The following RIC8B variants were observed in gnomAD, a reference collection of about 807,000 sequenced individuals.
RIC8B encodes the protein RIC8 guanine nucleotide exchange factor B.
In RIC8B, 16 loss-of-function variants were observed where a neutral mutation model predicts 57.5. That is an observed-to-expected ratio of 0.28 (90% CI 0.19 to 0.42). RIC8B has a LOEUF of 0.42. RIC8B is among the 10% of genes least tolerant of loss of function. The pLI, the probability that RIC8B is intolerant of heterozygous loss-of-function variation, is 1.00. For missense variants in RIC8B, 481 were observed against 677.0 expected (o/e 0.71, Z 3.21); for synonymous variants, 216 against 250.8 (o/e 0.86, Z 1.31).
At chr12:106,836,222 G>C (rs2046592567) in intron 4 of RIC8B, among the ~76,000 whole-genome samples, 1 of 152,200 alleles carries the variant, frequency 6.6e-6, no homozygotes, top group Non-Finnish European at 1.5e-5. Context: ...GCCTCTGAAT[G>C]ATTGATCGAG....
chr12:106,813,664 C>G (rs1049637780), intron 2 of RIC8B, among the ~76,000 whole-genome samples: 1 of 152,030 alleles, frequency 6.6e-6, no homozygotes, highest in Non-Finnish European at 1.5e-5. Context: ...ACAATGGGAC[C>G]CACAGGCAGC....
chr12:106,883,543 C>T (rs1195388733), intron 9 of RIC8B, among the ~76,000 whole-genome samples: 1 of 152,142 alleles, frequency 6.6e-6, no homozygotes, highest in Non-Finnish European at 1.5e-5. Flanking sequence ...GAGTCACCAT[C>T]CACTTGGTCA....
chr12:106,843,638 C>A (rs992703226), intron 5 of RIC8B, among the ~76,000 whole-genome samples: 7 of 146,486 alleles, frequency 4.8e-5, no homozygotes, highest in African/African-American at 1.8e-4. Context: ...AGGAGAATGG[C>A]GTGAACCCGG....
intron 2 of RIC8B, among the ~76,000 whole-genome samples, chr12:106,804,219 C>CTTT (rs398039963): frequency 1.4e-5 from 2 of 143,430 alleles, no homozygotes; most frequent in African/African-American, 2.6e-5. Context: ...TCCTTTCTTT[C>CTTT]TTTTTTTTTT....
intron 4 of RIC8B, among the ~76,000 whole-genome samples, chr12:106,833,141 TA>T (rs1457181966): frequency 3.3e-5 from 5 of 152,200 alleles, no homozygotes; most frequent in Non-Finnish European, 4.4e-5. Context: ...TCCTAATCAA[TA>T]AAAATTTTTG....
chr12:106,789,465 C>A (rs766873509), intron 2 of RIC8B, among the ~76,000 whole-genome samples: 1 of 152,050 alleles, frequency 6.6e-6, no homozygotes, highest in Non-Finnish European at 1.5e-5. Context: ...AAGACATACC[C>A]GAGACTGGGA....
intron 7 of RIC8B, among the ~76,000 whole-genome samples, chr12:106,858,790 A>G (rs1420395990): frequency 6.6e-6 from 1 of 152,216 alleles, no homozygotes; most frequent in East Asian, 1.9e-4. Flanking sequence ...ATTTGAAAGT[A>G]GGGCTTCCTT....
intron 2 of RIC8B, among the ~76,000 whole-genome samples, chr12:106,799,944 A>G (rs2044654462): frequency 6.6e-6 from 1 of 152,156 alleles, no homozygotes; most frequent in Non-Finnish European, 1.5e-5. Context: ...AAGGCTGGGA[A>G]GTCAAGATCA....
intron 3 of RIC8B, chr12:106,822,108 A>G (rs1415707280): frequency 3.8e-4 from 57 of 151,548 alleles, no homozygotes; most frequent in African/African-American, 1.2e-3. Context: ...AAAAGAAGAA[A>G]AAAAAAGAAA....
chr12:106,816,018 A>G (rs1266288643), intron 3 of RIC8B, among the ~76,000 whole-genome samples: 1 of 152,232 alleles, frequency 6.6e-6, no homozygotes, highest in East Asian at 1.9e-4. Context: ...ACCCACAAGA[A>G]CAATATGCTA....
At chr12:106,865,524 AT>A (rs752919995) in intron 8 of RIC8B, among the ~76,000 whole-genome samples, 1 of 152,144 alleles carries the variant, frequency 6.6e-6, no homozygotes, top group Non-Finnish European at 1.5e-5. Context: ...AATCCATTTG[AT>A]TCATTCTAAA....
intron 4 of RIC8B, among the ~76,000 whole-genome samples, chr12:106,830,107 A>T (rs568481740): frequency 2.6e-5 from 4 of 152,216 alleles, no homozygotes; most frequent in Admixed American, 6.5e-5. Context: ...GAAATGAGTA[A>T]GTGTGAGTTC....
intron 1 of RIC8B, among the ~76,000 whole-genome samples, chr12:106,779,262 C>T (rs2043638643): frequency 6.8e-6 from 1 of 147,768 alleles, no homozygotes; most frequent in Non-Finnish European, 1.5e-5. Context: ...GACAGAGTCT[C>T]ATTCTGCCGC....
At chr12:106,807,981 A>G (rs2045123336) in intron 2 of RIC8B, among the ~76,000 whole-genome samples, 1 of 151,610 alleles carries the variant, frequency 6.6e-6, no homozygotes, top group Non-Finnish European at 1.5e-5. Flanking sequence ...GCTACTCAGG[A>G]GGCTGGGGCA....
intron 3 of RIC8B, among the ~76,000 whole-genome samples, chr12:106,817,171 A>G (rs755036369): frequency 1.3e-5 from 2 of 152,232 alleles, no homozygotes; most frequent in Non-Finnish European, 2.9e-5. Context: ...TTTATGGTCA[A>G]TTGCTAGACA....
At chr12:106,794,196 A>G (rs1001809056) in intron 2 of RIC8B, among the ~76,000 whole-genome samples, 32 of 152,336 alleles carry the variant, frequency 2.1e-4, no homozygotes, top group South Asian at 4.1e-4. Context: ...GCTCAACAGT[A>G]GATTTGAACT....
chr12:106,777,581 A>G (rs2043552830), intron 1 of RIC8B, among the ~76,000 whole-genome samples: 1 of 152,192 alleles, frequency 6.6e-6, no homozygotes, highest in African/African-American at 2.4e-5. Context: ...ATGCTACCTT[A>G]TACCTCTAAT....
chr12:106,848,637 G>A (rs1043477770), intron 6 of RIC8B, among the ~76,000 whole-genome samples: 2 of 152,172 alleles, frequency 1.3e-5, no homozygotes, highest in Admixed American at 6.5e-5. Flanking sequence ...CTGATGGATA[G>A]ATATTAAAGA....
intron 8 of RIC8B, among the ~76,000 whole-genome samples, chr12:106,866,670 T>C (rs1452447718): frequency 6.6e-6 from 1 of 151,654 alleles, no homozygotes; most frequent in Admixed American, 6.6e-5. Flanking sequence ...GTTTGTGGTT[T>C]TGCTTGTTTT....
Sources: allele counts gnomAD v4.1 joint callset (sites outside exome capture counted in the v4.1 genomes callset), GRCh38; gene constraint gnomAD v4.1.1; transcripts MANE v1.5; gene names NCBI Gene and HGNC (gene_info 2026-07-23, HGNC 2026-07-21).